The following ZNF680 variants were observed in gnomAD, a reference collection of about 807,000 sequenced individuals.
ZNF680 encodes the protein zinc finger protein 680, also known as hypothetical protein FLJ90430.
A neutral mutation model predicts 12.1 loss-of-function variants in ZNF680; 6 were observed. The ratio of observed to expected loss-of-function variants is 0.49; its 90% confidence interval spans 0.27 to 0.98. The LOEUF (loss-of-function observed/expected upper bound fraction) is 0.98. Ranked by LOEUF, ZNF680 falls within the 50% of genes least tolerant of loss-of-function variation. The pLI is 0.12. For synonymous variants in ZNF680, 170 were observed against 199.3 expected (o/e 0.85, Z 1.24); for missense variants, 561 against 616.3 (o/e 0.91, Z 0.95).
chr7:64,504,345 G>A, the ZNF680 span, among the ~76,000 whole-genome samples: 6 of 152,132 alleles, frequency 3.9e-5, no homozygotes, highest in Admixed American at 3.3e-4. Context: ...TGGTATTCAC[G>A]TGCCAAACAC....
In ZNF680 at chr7:64,521,832, T is replaced by C. The variant is rs1483908615; in HGVS notation, c.922A>G (p.Thr308Ala). Reference sequence around the variant, plus strand: ...TGAATTCTCTTATGGTTAGTAAGGGTTGCAAACCAGTTAAAGGCTTTGTGA... The same window carrying C: ...TGAATTCTCTTATGGTTAGTAAGGGCTGCAAACCAGTTAAAGGCTTTGTGA... ...ECHKAFNWFA[T>A]LTNHKRIHTG... The change falls in exon 4 of 4, where the codon ACC (threonine) becomes GCC (alanine). Residue 308 changes from threonine (T) to alanine (A), a missense_variant. Thr to Ala is a moderately conservative substitution (Grantham distance 58, BLOSUM62 0). Coordinates refer to ENST00000309683, the MANE Select transcript of ZNF680 (RefSeq NM_178558.5). 1.2e-6 allele frequency: 2 copies of C among 1,613,298 alleles called. No homozygotes were observed. Among genetic ancestry groups the C allele is most frequent in the African/African-American group, 2.7e-5 (2 of 74,886 alleles).
At chr7:64,514,348 G>A in the ZNF680 span, among the ~76,000 whole-genome samples, 9 of 152,098 alleles carry the variant, frequency 5.9e-5, no homozygotes, top group Admixed American at 3.9e-4. Context: ...TCACAATTAA[G>A]GTTATGTTAT....
chr7:64,526,354 A>G, intron 3 of ZNF680: 1 of 1,262,828 alleles, frequency 7.9e-7, no homozygotes, highest in Non-Finnish European at 1.0e-6. Context: ...ATAAAAGGTG[A>G]CAGTGTTATG....
chr7:64,507,824 AACACAC>A, the ZNF680 span, among the ~76,000 whole-genome samples: 16,126 of 135,978 alleles, frequency 0.12, 1,129 homozygotes, highest in East Asian at 0.19. Context: ...AATTCCAGGA[AACACAC>A]ACACACACAC....
chr7:64,507,165 T>C, the ZNF680 span, among the ~76,000 whole-genome samples: 3 of 152,206 alleles, frequency 2.0e-5, no homozygotes, highest in Non-Finnish European at 1.5e-5. Context: ...GAAGACACTA[T>C]GCTAGATGAA....
At chr7:64,544,542 A>T in intron 1 of ZNF680, 110 bp from the exon 2 acceptor site, 1 of 1,475,684 alleles carries the variant, frequency 6.8e-7, no homozygotes, top group Non-Finnish European at 9.0e-7. Context: ...CAGTATAGAA[A>T]ACTGATTCTG....
chr7:64,547,721 G>T (rs1354490299), intron 1 of ZNF680, among the ~76,000 whole-genome samples: 2 of 152,082 alleles, frequency 1.3e-5, no homozygotes, highest in African/African-American at 2.4e-5. Context: ...AATTTTTATT[G>T]TGTTTATATT....
At chr7:64,541,880 T>C (rs1433242877) in intron 3 of ZNF680, among the ~76,000 whole-genome samples, 4 of 152,140 alleles carry the variant, frequency 2.6e-5, no homozygotes, top group Non-Finnish European at 5.9e-5. Flanking sequence ...GATGACTCAG[T>C]TCCAGCTCCC....
chr7:64,509,812 T>C, the ZNF680 span, among the ~76,000 whole-genome samples: 4 of 152,020 alleles, frequency 2.6e-5, no homozygotes, highest in Non-Finnish European at 5.9e-5. Flanking sequence ...GCACCTATCA[T>C]GGTAGCCTGA....
At chr7:64,544,567 G>A (rs1196332624) in intron 1 of ZNF680, 135 bp from the exon 2 acceptor site, 3 of 1,388,024 alleles carry the variant, frequency 2.2e-6, no homozygotes, top group African/African-American at 1.5e-5. Flanking sequence ...ACAGGAGTGA[G>A]TCAAATTATA....
chr7:64,512,457 C>CAAA, the ZNF680 span, among the ~76,000 whole-genome samples: 22 of 87,136 alleles, frequency 2.5e-4, no homozygotes, highest in East Asian at 3.7e-4. Context: ...CCGTCTCCAG[C>CAAA]AAAAAAAAAA....
intron 1 of ZNF680, among the ~76,000 whole-genome samples, chr7:64,546,240 T>G (rs979347931): frequency 6.6e-6 from 1 of 152,196 alleles, no homozygotes; most frequent in African/African-American, 2.4e-5. Context: ...TTTCTCCTTT[T>G]TTGGAATTCC....
intron 3 of ZNF680, among the ~76,000 whole-genome samples, chr7:64,539,791 G>C (rs1291169344): frequency 2.6e-5 from 4 of 152,030 alleles, no homozygotes; most frequent in Non-Finnish European, 5.9e-5. Flanking sequence ...GAAACCACAA[G>C]TGCACACCAC....
the ZNF680 span, chr7:64,501,744 T>G: frequency 2.3e-6 from 2 of 880,618 alleles, no homozygotes; most frequent in Non-Finnish European, 3.8e-6. Context: ...ATAGTGGGGG[T>G]TAGAAATCTT....
chr7:64,557,509 C>A (rs184657639), intron 1 of ZNF680, among the ~76,000 whole-genome samples: 1 of 151,748 alleles, frequency 6.6e-6, no homozygotes, highest in African/African-American at 2.4e-5. Flanking sequence ...GAGCCAAGAT[C>A]GTGCCACTGC....
the ZNF680 span, among the ~76,000 whole-genome samples, chr7:64,508,107 A>C: frequency 3.5e-5 from 5 of 142,274 alleles, no homozygotes; most frequent in East Asian, 6.2e-4. Context: ...ATTTGAATAT[A>C]TATATATTTT....
In ZNF680 at chr7:64,528,017, C is replaced by T. The variant is rs1006754753; in HGVS notation, c.254-5517G>A. ...AGAAGTGGAAAAGGGAGATCCTTCACCGCTGAACATGCACCCCCACTGGGG... is the reference window on the plus strand; with the variant it reads ...AGAAGTGGAAAAGGGAGATCCTTCATCGCTGAACATGCACCCCCACTGGGG... On this transcript the variant is annotated intron_variant, in intron 3 of 3. Transcript: ENST00000309683. Among the ~76,000 whole-genome samples the T allele has an allele frequency of 3.9e-5, 6 of 152,194 alleles. No homozygotes were observed. The South Asian group carries it at 1.2e-3, about 31-fold the overall frequency.
At chr7:64,508,147 A>ATATATATATATATATATATATATATAT in the ZNF680 span, among the ~76,000 whole-genome samples, 28 of 135,356 alleles carry the variant, frequency 2.1e-4, no homozygotes, top group African/African-American at 6.5e-4. Flanking sequence ...ATATATACAT[A>ATATATATATATATATATATATATATAT]ATTTTTTTTT....
downstream of ZNF680, among the ~76,000 whole-genome samples, chr7:64,519,492 T>C (rs1791426410): frequency 1.3e-5 from 2 of 151,654 alleles, no homozygotes; most frequent in African/African-American, 4.8e-5. Context: ...TGGGTATCTA[T>C]CCAGAGGAAA....
Sources: gnomAD v4.1 joint callset for allele counts (sites outside exome capture counted in the v4.1 genomes callset) on GRCh38, gnomAD v4.1.1 for gene constraint, MANE v1.5 for transcripts, NCBI Gene and HGNC (gene_info 2026-07-23, HGNC 2026-07-21) for gene names.